Variants in KRT77 observed in about 807,000 individuals in gnomAD.
KRT77 encodes the protein keratin, type II cytoskeletal 1b.
A neutral mutation model predicts 51.5 loss-of-function variants in KRT77; 44 were observed. The observed-to-expected ratio is 0.85, with a 90% CI of 0.67 to 1.10. The LOEUF is 1.10. KRT77 is among the 50% of genes least tolerant of loss of function. KRT77 has a pLI of 0.00. For missense variants in KRT77, 763 were observed against 743.9 expected, an observed-to-expected ratio of 1.03 and a Z score of -0.30; for synonymous variants, 293 against 302.0, an observed-to-expected ratio of 0.97 and a Z score of 0.31.
rs771482193 is a variant in KRT77, at chr12:52,703,218, T to A, written c.217A>T (p.Asn73Tyr). 1 of 1,612,668 alleles carries A rather than the reference T, an allele frequency of 6.2e-7. No individual in the cohort carries two copies. The highest frequency in any genetic ancestry group is 8.5e-7 in the Non-Finnish European group (1 of 1,179,746). The change falls in exon 1 of 9, where the codon AAT becomes TAT. Residue 73 changes from asparagine (N) to tyrosine (Y), a missense_variant. Coordinates refer to ENST00000341809, the MANE Select transcript of KRT77 (RefSeq NM_175078.3). ...CCACTGGTGCTCCTCCCCATTAGAT[T>A]AATGGAGATGCTTCTACTGCCACCC... ...NLGGSRSISINLMGRSTSGFC... is the reference protein window; with the variant it reads ...NLGGSRSISIYLMGRSTSGFC...
rs754186437 is a variant in KRT77 at position 52,703,062 on chromosome 12, C to T, written c.373G>A (p.Gly125Arg). ...GGAGGACAATAAGGACCAAAGCCCC[C>T]AAGCCCAAAATTGCTAGTCCCAAAT... ...AGFGTSNFGL[G>R]GFGPYCPPGG... The change falls in exon 1 of 9, where the codon GGG becomes AGG. Residue 125 changes from glycine to arginine, a missense_variant. Gly to Arg is a moderately radical substitution (Grantham distance 125, BLOSUM62 -2). Transcript: ENST00000341809. 4.3e-6 allele frequency: 7 copies of T among 1,613,834 alleles called. No individual in the cohort carries two copies. The highest frequency in any genetic ancestry group is 5.9e-6 in the Non-Finnish European group (7 of 1,180,000).
At chr12:52,702,354 T>C (rs1941895547) in intron 1 of KRT77, among the ~76,000 whole-genome samples, 1 of 152,028 alleles carries the variant, frequency 6.6e-6, no homozygotes, top group Admixed American at 6.6e-5. Context: ...GATGGATGCA[T>C]GAGTGGATAG....
Position 52,703,476 on chromosome 12 carries a change from T to A in KRT77, c.-42A>T. 6.6e-7 allele frequency: 1 copy of A among 1,521,682 alleles called. No individual in the cohort carries two copies. Among genetic ancestry groups the A allele is most frequent in the Non-Finnish European group, 8.8e-7 (1 of 1,133,340 alleles). The allele number at this position is 1,521,682 out of a possible 1,614,324, so 94.3% of individuals were successfully genotyped here. On this transcript the variant is annotated 5_prime_UTR_variant, in exon 1 of 9. Transcript: ENST00000341809. ...AGAGAAGCAGGCAAGAGAAAGAGCC[T>A]GGCAGGAAGGAGGCAGAGACCAGAG...
intron 1 of KRT77, among the ~76,000 whole-genome samples, chr12:52,702,554 T>G (rs10783532): frequency 0.37 from 22,862 of 61,914 alleles, 2,594 homozygotes; most frequent in East Asian, 0.46. Context: ...GTGTGTGTGT[T>G]TGTGTGTGTG....
Position 52,692,511 on chromosome 12 carries a change from A to G in KRT77, c.1337T>C (p.Leu446Pro). ...QQSKEELARL[L>P]RDYQAMLGVK... Reference sequence around the variant, plus strand: ...CCCCAGCATGGCCTGGTAGTCACGCAGCAGCCGGGCCAGCTCCTCCTTGGA... The same window carrying G: ...CCCCAGCATGGCCTGGTAGTCACGCGGCAGCCGGGCCAGCTCCTCCTTGGA... The change falls in exon 7 of 9, where the codon CTG (leucine) becomes CCG (proline). Residue 446 changes from leucine to proline, a missense_variant. By Grantham distance (98) the Leu-to-Pro change is moderately conservative. Coordinates refer to ENST00000341809, the MANE Select transcript of KRT77 (RefSeq NM_175078.3). 1 of 1,614,062 alleles carries G rather than the reference A, an allele frequency of 6.2e-7. No individual in the cohort carries two copies. Among genetic ancestry groups the G allele is most frequent in the South Asian group, 1.1e-5 (1 of 91,074 alleles).
At chr12:52,700,822 A>G (rs1941877454) in intron 1 of KRT77, among the ~76,000 whole-genome samples, 1 of 152,222 alleles carries the variant, frequency 6.6e-6, no homozygotes, top group Non-Finnish European at 1.5e-5. Context: ...GAGGATTCAA[A>G]TGGAGGAGTG....
intron 1 of KRT77, among the ~76,000 whole-genome samples, chr12:52,701,628 T>C (rs904759117): frequency 6.6e-6 from 1 of 152,200 alleles, no homozygotes; most frequent in Admixed American, 6.5e-5. Context: ...GAGGTGCTAG[T>C]GGCCGCTGTG....
intron 1 of KRT77, among the ~76,000 whole-genome samples, chr12:52,698,850 C>T (rs561144831): frequency 4.8e-4 from 73 of 152,330 alleles, no homozygotes; most frequent in African/African-American, 1.6e-3. Context: ...CAGAATCCTG[C>T]TTCCTCCTCT....
chr12:52,690,846 A>C lies in KRT77; in HGVS notation c.*319T>G. The C allele has an allele frequency of 2.1e-6, 1 of 485,434 alleles. No homozygotes were observed. Among genetic ancestry groups the C allele is most frequent in the Non-Finnish European group, 3.7e-6 (1 of 270,860 alleles). 30.1% of individuals were successfully genotyped at this position (485,434 alleles called of 1,614,324 possible). On this transcript the variant is annotated 3_prime_UTR_variant, in exon 9 of 9. Coordinates refer to ENST00000341809, the MANE Select transcript of KRT77 (RefSeq NM_175078.3). ...GCCAACTCACGCAGCCTCTGCCTCT[A>C]ACTGGAATGTTTGTGCTCACCCTGG...
At chr12:52,693,241 A>G (rs1024622031) in intron 5 of KRT77, among the ~76,000 whole-genome samples, 6 of 150,132 alleles carry the variant, frequency 4.0e-5, no homozygotes, top group African/African-American at 1.5e-4. Flanking sequence ...CCCACCATAT[A>G]GCTTCCCACC....
intron 4 of KRT77, 100 bp from the exon 5 acceptor site, chr12:52,694,890 C>T: frequency 9.1e-7 from 1 of 1,102,140 alleles, no homozygotes; most frequent in South Asian, 2.0e-5. Context: ...AGCCAGAAGC[C>T]TGGGCCAGGT....
At chr12:52,698,264 T>C (rs1325870110) in intron 1 of KRT77, 10 of 658,732 alleles carry the variant, frequency 1.5e-5, no homozygotes, top group Non-Finnish European at 2.4e-5. Flanking sequence ...CCTTTCTCTT[T>C]GTGGTCAAAA....
At chr12:52,701,211 G>A (rs1018529504) in intron 1 of KRT77, among the ~76,000 whole-genome samples, 22 of 152,314 alleles carry the variant, frequency 1.4e-4, no homozygotes, top group Admixed American at 1.2e-3. Context: ...TGGCCCAGCC[G>A]TGACCTCCGA....
At chr12:52,698,226 CA>C in intron 1 of KRT77, 2 of 1,049,932 alleles carry the variant, frequency 1.9e-6, no homozygotes, top group Non-Finnish European at 2.6e-6. Flanking sequence ...TGTTTCGGAG[CA>C]TCTGAGACAC....
chr12:52,691,338 C>A lies in KRT77; in HGVS notation c.1564G>T (p.Gly522Ter). 2 of 1,591,740 alleles carry A rather than the reference C, an allele frequency of 1.3e-6. No homozygotes were observed. The highest frequency in any genetic ancestry group is 1.7e-6 in the Non-Finnish European group (2 of 1,169,050). Residue 522 changes from glycine (G) to a stop codon, truncating the protein, a stop_gained, in exon 9 of 9, where the codon GGA (glycine) becomes TGA (stop). Transcript: ENST00000341809. LOFTEE classifies it low-confidence loss of function (END_TRUNC). ...GCCCCGCCTCCGCGGTAGCTTCTTC[C>A]GCCGCCATAGCCCCCACCGCTGCCG... ...GGGSGGGYGG[G>*]RSYRGGGARG... is the part of the protein sequence containing the mutation.
chr12:52,702,875 GC>G lies in KRT77; in HGVS notation c.543+16del, dbSNP rs1230272285. 1 of 1,613,240 alleles carries G rather than the reference GC, an allele frequency of 6.2e-7. No homozygotes were observed. Among genetic ancestry groups the G allele is most frequent in the South Asian group, 1.1e-5 (1 of 90,972 alleles). ...TGGTCAGTGACCAATGACCCTCCCT[GC>G]CCCTGAGGTGCTCACCTTGTCAATG... On this transcript the variant is annotated intron_variant, in intron 1 of 8. Coordinates refer to ENST00000341809, the MANE Select transcript of KRT77 (RefSeq NM_175078.3).
chr12:52,692,363 C>T, intron 7 of KRT77, 58 bp downstream of exon 7: 9 of 1,581,914 alleles, frequency 5.7e-6, no homozygotes, highest in Non-Finnish European at 7.8e-6. Flanking sequence ...TAGCCAGTCC[C>T]ACAGCTTCAT....
rs747993822 is a variant in KRT77, at chr12:52,696,356, C to G, written c.819+14G>C. On this transcript the variant is annotated intron_variant, in intron 3 of 8. Coordinates refer to ENST00000341809, the MANE Select transcript of KRT77 (RefSeq NM_175078.3). ...TGGGTCCACAGCCACCCTCAGGACT[C>G]CCCTTTCCCTCACCTTCTTCAGGAC... 1 of 1,613,794 alleles carries G rather than the reference C, an allele frequency of 6.2e-7. No individual in the cohort carries two copies. Among genetic ancestry groups the G allele is most frequent in the Non-Finnish European group, 8.5e-7 (1 of 1,179,794 alleles).
rs1176979649 is a variant in KRT77 at position 52,693,139 on chromosome 12, A to T, written c.1081-259T>A. Among the ~76,000 whole-genome samples the T allele has an allele frequency of 1.3e-5, 2 of 150,808 alleles. 1 individual carries two copies. Among genetic ancestry groups the T allele is most frequent in the Admixed American group, 1.3e-4 (2 of 15,118 alleles). On this transcript the variant is annotated intron_variant, in intron 5 of 8. Coordinates refer to ENST00000341809, the MANE Select transcript of KRT77 (RefSeq NM_175078.3). ...GCAGACTCTCATCCCAGCCAGACAA[A>T]CCTGCTTTGTGATGCCCTTTCTACC...
Sources: allele counts gnomAD v4.1 joint callset (sites outside exome capture counted in the v4.1 genomes callset), GRCh38; gene constraint gnomAD v4.1.1; transcripts MANE v1.5; gene names NCBI Gene and HGNC (gene_info 2026-07-23, HGNC 2026-07-21).